The following PDE10A variants were observed in gnomAD, a reference collection of about 807,000 sequenced individuals.
The protein encoded by PDE10A is phosphodiesterase 10A.
Under a neutral mutation model 97.7 loss-of-function variants are expected in PDE10A, and 39 were observed. The ratio of observed to expected loss-of-function variants is 0.40; its 90% CI spans 0.31 to 0.52. The LOEUF (loss-of-function observed/expected upper bound fraction) is 0.52. Among genes scored for constraint, PDE10A ranks in the 20% least tolerant of loss-of-function variants. The probability of loss-of-function intolerance (pLI) is 0.56; values close to 1 mark genes in which losing one functional copy is unlikely to be tolerated. For synonymous variants in PDE10A, 371 were observed against 376.8 expected (o/e 0.98, Z 0.18); for missense variants, 731 against 1,047.8 (o/e 0.70, Z 4.17).
chr6:165,476,262 C>A (rs908307862), intron 3 of PDE10A, among the ~76,000 whole-genome samples: 1 of 151,424 alleles, frequency 6.6e-6, no homozygotes, highest in African/African-American at 2.4e-5. Context: ...GGAAGATATG[C>A]AAAATGAATA....
chr6:165,484,534 G>A (rs1185890932), intron 2 of PDE10A, among the ~76,000 whole-genome samples: 5 of 152,212 alleles, frequency 3.3e-5, no homozygotes, highest in Non-Finnish European at 7.3e-5. Flanking sequence ...TCTAGTGCCC[G>A]ATGATCTGAG....
chr6:165,945,291 A>G (rs1419810868), intron 1 of PDE10A, among the ~76,000 whole-genome samples: 1 of 152,242 alleles, frequency 6.6e-6, no homozygotes, highest in South Asian at 2.1e-4. Context: ...TACAGCCAGC[A>G]TCTAAACTGA....
intron 13 of PDE10A, among the ~76,000 whole-genome samples, chr6:165,411,514 C>T (rs2128226650): frequency 6.6e-6 from 1 of 152,252 alleles, no homozygotes; most frequent in Non-Finnish European, 1.5e-5. Flanking sequence ...GAGAAACACA[C>T]CTTGATCTTG....
chr6:165,677,958 G>A (rs977775248), intron 1 of PDE10A, among the ~76,000 whole-genome samples: 5 of 151,622 alleles, frequency 3.3e-5, no homozygotes, highest in South Asian at 2.1e-4. Flanking sequence ...GTGTGTGTTT[G>A]TATATCTATG....
At chr6:165,553,785 T>A (rs1784125589) in intron 1 of PDE10A, among the ~76,000 whole-genome samples, 1 of 152,202 alleles carries the variant, frequency 6.6e-6, no homozygotes, top group African/African-American at 2.4e-5. Context: ...GAAAGTTTCT[T>A]TTAACTGAGA....
chr6:165,915,269 C>G (rs1180615374), intron 1 of PDE10A, among the ~76,000 whole-genome samples: 1 of 152,154 alleles, frequency 6.6e-6, no homozygotes, highest in East Asian at 1.9e-4. Context: ...GACAAGGCAA[C>G]AGAAGGCTGT....
chr6:165,907,229 T>C (rs1385048281), intron 1 of PDE10A, among the ~76,000 whole-genome samples: 1 of 152,226 alleles, frequency 6.6e-6, no homozygotes, highest in Non-Finnish European at 1.5e-5. Flanking sequence ...AGTGCAGGCC[T>C]GCCGCCGTGG....
At chr6:165,562,992 T>A (rs893346575) in intron 1 of PDE10A, among the ~76,000 whole-genome samples, 5 of 152,040 alleles carry the variant, frequency 3.3e-5, no homozygotes, top group Admixed American at 6.6e-5. Flanking sequence ...ACAGAAAGCA[T>A]CAACGGTGCT....
intron 1 of PDE10A, among the ~76,000 whole-genome samples, chr6:165,579,888 C>T (rs569829920): frequency 5.3e-5 from 8 of 152,078 alleles, no homozygotes; most frequent in Non-Finnish European, 7.4e-5. Context: ...ACACCTCCTG[C>T]GAGCTATTGT....
At chr6:165,520,378 C>T (rs566906338) in intron 2 of PDE10A, among the ~76,000 whole-genome samples, 16 of 152,166 alleles carry the variant, frequency 1.1e-4, no homozygotes, top group Admixed American at 7.9e-4. Flanking sequence ...TTTTATAAAC[C>T]ATAGAGAACG....
intron 3 of PDE10A, among the ~76,000 whole-genome samples, chr6:165,460,496 C>T (rs1255403302): frequency 6.6e-6 from 1 of 152,112 alleles, no homozygotes; most frequent in Non-Finnish European, 1.5e-5. Flanking sequence ...TGCTGATAAA[C>T]GTCCTACTTG....
intron 1 of PDE10A, among the ~76,000 whole-genome samples, chr6:165,983,739 CA>C (rs1785091323): frequency 6.6e-6 from 1 of 152,216 alleles, no homozygotes; most frequent in Admixed American, 6.5e-5. Context: ...CTCTGTTTTA[CA>C]GTGTGTGTAC....
intron 1 of PDE10A, among the ~76,000 whole-genome samples, chr6:165,845,500 T>C (rs1409988150): frequency 6.6e-6 from 1 of 152,096 alleles, no homozygotes; most frequent in East Asian, 1.9e-4. Context: ...AAGGTAAAAT[T>C]TGAGCAAAAG....
At chr6:165,935,152 G>A (rs1397686) in intron 1 of PDE10A, among the ~76,000 whole-genome samples, 66,577 of 152,046 alleles carry the variant, frequency 0.44, 15,792 homozygotes, top group African/African-American at 0.6. Context: ...AGGAGGTTGC[G>A]TAGGAAAAGG....
intron 1 of PDE10A, among the ~76,000 whole-genome samples, chr6:165,742,357 A>C (rs777625961): frequency 6.6e-6 from 1 of 152,170 alleles, no homozygotes; most frequent in Non-Finnish European, 1.5e-5. Flanking sequence ...CTTAATCATT[A>C]CATAGGCAAT....
intron 18 of PDE10A, among the ~76,000 whole-genome samples, chr6:165,344,262 T>C (rs1191508215): frequency 6.6e-6 from 1 of 152,212 alleles, no homozygotes; most frequent in African/African-American, 2.4e-5. Context: ...TGAATAGATT[T>C]GGTCTTGTGA....
intron 2 of PDE10A, among the ~76,000 whole-genome samples, chr6:165,508,097 A>C (rs1386827158): frequency 6.6e-6 from 1 of 152,098 alleles, no homozygotes; most frequent in African/African-American, 2.4e-5. Context: ...TATACTTGAC[A>C]AAACGACACG....
At chr6:165,576,706 A>G (rs1194428752) in intron 1 of PDE10A, among the ~76,000 whole-genome samples, 1 of 152,116 alleles carries the variant, frequency 6.6e-6, no homozygotes, top group African/African-American at 2.4e-5. Flanking sequence ...TAAACTAAAT[A>G]TCCCAGTCAT....
At chr6:165,680,971 T>A (rs1790959848) in intron 1 of PDE10A, among the ~76,000 whole-genome samples, 1 of 152,212 alleles carries the variant, frequency 6.6e-6, no homozygotes, top group South Asian at 2.1e-4. Flanking sequence ...TGAAGAAAAA[T>A]GCTTTTATGT....
Sources: gnomAD v4.1 joint callset for allele counts (sites outside exome capture counted in the v4.1 genomes callset) on GRCh38, gnomAD v4.1.1 for gene constraint, MANE v1.5 for transcripts, NCBI Gene and HGNC (gene_info 2026-07-23, HGNC 2026-07-21) for gene names.